LYPLAL1: variants seen among roughly 807,000 people sequenced by gnomAD.
LYPLAL1 encodes lysophospholipase-like protein 1.
A neutral mutation model predicts 19.7 loss-of-function variants in LYPLAL1; 23 were observed. The ratio of observed to expected loss-of-function variants is 1.17; its 90% CI spans 0.84 to 1.65. The LOEUF is 1.65. Ranked by LOEUF, LYPLAL1 falls within the 40% of genes most tolerant of loss-of-function variation. The pLI is 0.00. For missense variants in LYPLAL1, 355 were observed against 279.4 expected, an observed-to-expected ratio of 1.27 and a Z score of -1.93; for synonymous variants, 119 against 96.3, an observed-to-expected ratio of 1.24 and a Z score of -1.38.
the LYPLAL1 span, among the ~76,000 whole-genome samples, chr1:219,232,735 C>T: frequency 6.6e-6 from 1 of 151,880 alleles, no homozygotes; most frequent in East Asian, 1.9e-4. Flanking sequence ...TTTGAATAGA[C>T]ATTTATCCAA....
chr1:219,426,313 T>C, the LYPLAL1 span, among the ~76,000 whole-genome samples: 3 of 152,220 alleles, frequency 2.0e-5, no homozygotes, highest in African/African-American at 4.8e-5. Flanking sequence ...TTTTTAATGT[T>C]CTTCTCACTT....
the LYPLAL1 span, among the ~76,000 whole-genome samples, chr1:219,349,043 T>A: frequency 6.6e-6 from 1 of 152,224 alleles, no homozygotes; most frequent in Non-Finnish European, 1.5e-5. Flanking sequence ...GAACATCATT[T>A]CTTTTTCATA....
intron 2 of LYPLAL1, 120 bp from the exon 3 acceptor site, chr1:219,192,962 T>C (rs1324084724): frequency 2.8e-6 from 3 of 1,059,768 alleles, no homozygotes; most frequent in Non-Finnish European, 3.9e-6. Context: ...ATTTAACTTA[T>C]AAAACTTAGA....
intron 2 of LYPLAL1, among the ~76,000 whole-genome samples, chr1:219,188,843 G>C (rs1656929149): frequency 6.6e-6 from 1 of 151,694 alleles, no homozygotes; most frequent in South Asian, 2.1e-4. Context: ...AGCTAATAAA[G>C]TGATTTATTT....
the LYPLAL1 span, among the ~76,000 whole-genome samples, chr1:219,302,348 G>C: frequency 6.6e-6 from 1 of 152,118 alleles, no homozygotes; most frequent in Non-Finnish European, 1.5e-5. Context: ...TTATAGTATA[G>C]AATACCACTC....
chr1:219,177,886 GT>G (rs1343940068), intron 1 of LYPLAL1, among the ~76,000 whole-genome samples: 1 of 152,126 alleles, frequency 6.6e-6, no homozygotes, highest in Non-Finnish European at 1.5e-5. Flanking sequence ...CGTTCCTACA[GT>G]TTCTCTGGTC....
chr1:219,352,391 G>A, the LYPLAL1 span, among the ~76,000 whole-genome samples: 1 of 152,180 alleles, frequency 6.6e-6, no homozygotes, highest in Admixed American at 6.5e-5. Flanking sequence ...GGTGGCGGGC[G>A]CCTGTAGTCT....
the LYPLAL1 span, among the ~76,000 whole-genome samples, chr1:219,273,864 C>T: frequency 5.3e-5 from 8 of 152,224 alleles, no homozygotes; most frequent in South Asian, 2.1e-4. Flanking sequence ...CAGGTTCAAG[C>T]GATTCTTCTG....
At chr1:219,223,422 C>T in the LYPLAL1 span, among the ~76,000 whole-genome samples, 1 of 152,002 alleles carries the variant, frequency 6.6e-6, no homozygotes, top group Non-Finnish European at 1.5e-5. Context: ...GTTTTCTAGC[C>T]CTTGAGTACT....
At chr1:219,353,184 C>A in the LYPLAL1 span, among the ~76,000 whole-genome samples, 1 of 152,148 alleles carries the variant, frequency 6.6e-6, no homozygotes, top group Non-Finnish European at 1.5e-5. Context: ...CAGGAAGGAG[C>A]AATCAAAGCA....
the LYPLAL1 span, among the ~76,000 whole-genome samples, chr1:219,226,450 C>A: frequency 4.6e-5 from 7 of 152,320 alleles, no homozygotes; most frequent in African/African-American, 1.7e-4. Flanking sequence ...CCTTGGAAGA[C>A]ACTGATCATC....
chr1:219,322,309 A>T, the LYPLAL1 span, among the ~76,000 whole-genome samples: 1 of 152,142 alleles, frequency 6.6e-6, no homozygotes. Flanking sequence ...ATCCACACTA[A>T]TTAAAAGGGA....
At chr1:219,312,835 C>T in the LYPLAL1 span, among the ~76,000 whole-genome samples, 1 of 152,012 alleles carries the variant, frequency 6.6e-6, no homozygotes, top group African/African-American at 2.4e-5. Context: ...ATTGGTGGGC[C>T]CTCCAGAGAT....
At chr1:219,300,435 T>G in the LYPLAL1 span, among the ~76,000 whole-genome samples, 1 of 152,042 alleles carries the variant, frequency 6.6e-6, no homozygotes, top group Non-Finnish European at 1.5e-5. Flanking sequence ...TTTTAAAAAT[T>G]TTTACTTATG....
the LYPLAL1 span, among the ~76,000 whole-genome samples, chr1:219,301,975 G>A: frequency 6.6e-6 from 1 of 151,986 alleles, no homozygotes; most frequent in South Asian, 2.1e-4. Flanking sequence ...AGAAAAGACA[G>A]AATGAAAAAG....
the LYPLAL1 span, among the ~76,000 whole-genome samples, chr1:219,218,162 A>G: frequency 6.6e-6 from 1 of 152,096 alleles, no homozygotes; most frequent in African/African-American, 2.4e-5. Flanking sequence ...GGATAGTTCA[A>G]TTGAAGTATA....
At chr1:219,348,430 C>A in the LYPLAL1 span, among the ~76,000 whole-genome samples, 340 of 152,352 alleles carry the variant, frequency 2.2e-3, 3 homozygotes, top group African/African-American at 7.9e-3. Context: ...AAAGGGGCCT[C>A]TGCAGGTCAT....
At chr1:219,266,482 A>G in the LYPLAL1 span, among the ~76,000 whole-genome samples, 1 of 152,150 alleles carries the variant, frequency 6.6e-6, no homozygotes, top group African/African-American at 2.4e-5. Context: ...CCTAAAGGAT[A>G]TACCTGAGGT....
chr1:219,288,391 A>T, the LYPLAL1 span, among the ~76,000 whole-genome samples: 2 of 152,178 alleles, frequency 1.3e-5, no homozygotes, highest in South Asian at 4.1e-4. Context: ...GATGTACTCC[A>T]AATATATGAC....
Sources: allele counts gnomAD v4.1 joint callset (sites outside exome capture counted in the v4.1 genomes callset), GRCh38; gene constraint gnomAD v4.1.1; transcripts MANE v1.5; gene names NCBI Gene and HGNC (gene_info 2026-07-23, HGNC 2026-07-21).